The following NUCB2 variants were observed in gnomAD, a reference collection of about 807,000 sequenced individuals.
NUCB2 encodes nucleobindin 2.
A neutral mutation model predicts 57.9 loss-of-function variants in NUCB2; 48 were observed. The ratio of observed to expected loss-of-function variants is 0.83; its 90% CI spans 0.66 to 1.05. The LOEUF (loss-of-function observed/expected upper bound fraction) is 1.05, where lower values mean the gene tolerates loss of function less well. NUCB2 is among the 50% of genes least tolerant of loss of function. The pLI is 0.00. For missense variants in NUCB2, 442 were observed against 476.2 expected (o/e 0.93, Z 0.67); for synonymous variants, 139 against 152.1 (o/e 0.91, Z 0.64).
At chr11:17,302,673 G>A (rs1591372087) in intron 5 of NUCB2, among the ~76,000 whole-genome samples, 1 of 152,046 alleles carries the variant, frequency 6.6e-6, no homozygotes, top group South Asian at 2.1e-4. Context: ...TAGGGCTCAG[G>A]TAGTCCTCCC....
chr11:17,296,637 G>A (rs1412832611), intron 4 of NUCB2, among the ~76,000 whole-genome samples: 3 of 152,094 alleles, frequency 2.0e-5, no homozygotes, highest in Non-Finnish European at 2.9e-5. Context: ...AAGATGTAGT[G>A]AGAAAAGGAG....
chr11:17,309,610 G>C lies in NUCB2; in HGVS notation c.418G>C (p.Asp140His). Residue 140 changes from aspartate (D) to histidine (H), a missense_variant, in exon 6 of 14, where the codon GAT becomes CAT. Transcript: ENST00000529010. ...MDHQALLKQF[D>H]HLNHLNPDKF... ...CCACCAAGCTCTTCTAAAACAATTT[G>C]ATCACCTAAACCACCTGAATCCTGA... The C allele has an allele frequency of 1.2e-6, 2 of 1,604,582 alleles. No homozygotes were observed. Among genetic ancestry groups the C allele is most frequent in the Non-Finnish European group, 1.7e-6 (2 of 1,176,650 alleles).
chr11:17,325,272 G>A (rs540789027), intron 11 of NUCB2, among the ~76,000 whole-genome samples: 45 of 152,316 alleles, frequency 3.0e-4, no homozygotes, highest in African/African-American at 1.1e-3. Flanking sequence ...GTCTAATGCT[G>A]AAAGTGGGGT....
At chr11:17,307,286 A>C (rs1591408857) in intron 5 of NUCB2, among the ~76,000 whole-genome samples, 1 of 151,814 alleles carries the variant, frequency 6.6e-6, no homozygotes, top group Admixed American at 6.6e-5. Context: ...AATGTCCCCT[A>C]ACACCATCCT....
At chr11:17,278,917 G>A (rs1941947730) in intron 1 of NUCB2, among the ~76,000 whole-genome samples, 1 of 152,202 alleles carries the variant, frequency 6.6e-6, no homozygotes, top group Non-Finnish European at 1.5e-5. Context: ...TTTAGGCCGG[G>A]CATGGTGGCT....
chr11:17,305,263 G>T (rs1046813333), intron 5 of NUCB2, among the ~76,000 whole-genome samples: 2 of 152,202 alleles, frequency 1.3e-5, no homozygotes, highest in South Asian at 4.1e-4. Flanking sequence ...GGCAGAGGTT[G>T]CAGTGAGCTG....
At position 17,348,335 on chromosome 11, in the gene NUCB2, T is replaced by G. The variant is rs1332329548; in HGVS notation, n.2627-1010T>G. 1.3e-3 allele frequency among the ~76,000 whole-genome samples: 166 copies of G among 129,942 alleles called. 3 individuals are homozygous for G. Among genetic ancestry groups the G allele is most frequent in the African/African-American group, 4.6e-3 (159 of 34,216 alleles). 85.2% of individuals were successfully genotyped at this position (129,942 alleles called of 152,430 possible). A position where few individuals can be genotyped will look rare whatever the true frequency, so the allele number is the denominator to read the frequency against. On this transcript the variant is annotated intron_variant and non_coding_transcript_variant, in intron 2 of 2. Coordinates refer to the NUCB2 transcript ENST00000532240. Reference sequence around the variant, plus strand: ...TGTTTTTGTGTTTTTTTTTTTTTTTTTTTTTTTTTTTTTTTTGGAGACAGA... The same window carrying G: ...TGTTTTTGTGTTTTTTTTTTTTTTTGTTTTTTTTTTTTTTTTGGAGACAGA...
intron 1 of NUCB2, 74 bp downstream of exon 1, chr11:17,276,902 G>A (rs1266398660): frequency 6.6e-6 from 1 of 152,336 alleles, no homozygotes; most frequent in Admixed American, 6.5e-5. Flanking sequence ...CCGGAGATAA[G>A]GCTCCGGTCT....
At chr11:17,320,917 G>A (rs1159239900) in intron 11 of NUCB2, among the ~76,000 whole-genome samples, 1 of 152,026 alleles carries the variant, frequency 6.6e-6, no homozygotes, top group African/African-American at 2.4e-5. Context: ...CAAAGAAGGT[G>A]TATTCAGACA....
intron 4 of NUCB2, among the ~76,000 whole-genome samples, chr11:17,297,108 A>AG (rs1300657398): frequency 2.6e-5 from 4 of 152,232 alleles, no homozygotes; most frequent in Non-Finnish European, 1.5e-5. Flanking sequence ...GAATCAGTTT[A>AG]GCTGGGTTTA....
intron 2 of NUCB2, among the ~76,000 whole-genome samples, chr11:17,346,179 C>T (rs1952720428): frequency 6.6e-6 from 1 of 152,192 alleles, no homozygotes; most frequent in South Asian, 2.1e-4. Flanking sequence ...AATGAAGGAA[C>T]CCCTTCTCCA....
chr11:17,341,895 C>T (rs1389862501), intron 2 of NUCB2, among the ~76,000 whole-genome samples: 1 of 152,140 alleles, frequency 6.6e-6, no homozygotes, highest in Non-Finnish European at 1.5e-5. Flanking sequence ...GGAATGGTAC[C>T]AGCTCCTCCT....
At chr11:17,301,916 T>C in intron 5 of NUCB2, 46 bp downstream of exon 5, 1 of 1,550,014 alleles carries the variant, frequency 6.5e-7, no homozygotes, top group Non-Finnish European at 8.8e-7. Flanking sequence ...TTTTTTCCTT[T>C]TGAAACAGCG....
chr11:17,345,239 G>T (rs1384122230), intron 2 of NUCB2, among the ~76,000 whole-genome samples: 1 of 150,750 alleles, frequency 6.6e-6, no homozygotes. Flanking sequence ...TTTAAATAAA[G>T]AAAACCAGTG....
intron 13 of NUCB2, 175 bp from the exon 14 acceptor site, chr11:17,331,237 C>A (rs933798015): frequency 6.1e-5 from 32 of 524,534 alleles, no homozygotes; most frequent in Middle Eastern, 5.0e-4. Context: ...TTTATTTCAA[C>A]TTTATTTGTA....
intron 2 of NUCB2, among the ~76,000 whole-genome samples, chr11:17,343,469 G>A (rs938434655): frequency 6.6e-6 from 1 of 152,150 alleles, no homozygotes; most frequent in Non-Finnish European, 1.5e-5. Flanking sequence ...TAGATTTTCT[G>A]TGCATGGGGT....
chr11:17,325,121 G>A (rs1032017502), intron 11 of NUCB2, among the ~76,000 whole-genome samples: 24 of 152,124 alleles, frequency 1.6e-4, no homozygotes, highest in Non-Finnish European at 1.8e-4. Context: ...CTATCTTTGA[G>A]AACGATCCAT....
chr11:17,300,499 T>C (rs186486500), intron 4 of NUCB2, among the ~76,000 whole-genome samples: 117 of 152,334 alleles, frequency 7.7e-4, no homozygotes, highest in Middle Eastern at 6.8e-3. Context: ...GTTCTGGACA[T>C]TGCATATATG....
chr11:17,299,079 A>T (rs1480688067), intron 4 of NUCB2, among the ~76,000 whole-genome samples: 1 of 152,222 alleles, frequency 6.6e-6, no homozygotes, highest in East Asian at 1.9e-4. Flanking sequence ...CTAACTGGAA[A>T]GGTGATGGTA....
Sources: gnomAD v4.1 joint callset for allele counts (sites outside exome capture counted in the v4.1 genomes callset) on GRCh38, gnomAD v4.1.1 for gene constraint, MANE v1.5 for transcripts, NCBI Gene and HGNC (gene_info 2026-07-23, HGNC 2026-07-21) for gene names.